The following AXDND1 variants were observed in gnomAD, a reference collection of about 807,000 sequenced individuals.
AXDND1 encodes axonemal dynein light chain domain containing 1.
AXDND1 carries 110 observed loss-of-function variants against 137.5 expected under a neutral mutation model. The observed-to-expected ratio is 0.80, with a 90% confidence interval of 0.69 to 0.94. AXDND1 has a LOEUF of 0.94. Among genes scored for constraint, AXDND1 ranks in the 40% least tolerant of loss-of-function variants. AXDND1 has a pLI of 0.00. For missense variants in AXDND1, 1,191 were observed against 1,169.8 expected (o/e 1.02, Z -0.26); for synonymous variants, 414 against 399.7 (o/e 1.04, Z -0.43).
At chr1:179,415,649 C>G (rs909883245) in intron 12 of AXDND1, among the ~76,000 whole-genome samples, 1 of 152,056 alleles carries the variant, frequency 6.6e-6, no homozygotes, top group Non-Finnish European at 1.5e-5. Flanking sequence ...CTTCTCATTA[C>G]CTCCAACCCA....
chr1:179,469,956 CTCTCTTACATTAAGG>C (rs1663716038), intron 17 of AXDND1, among the ~76,000 whole-genome samples: 1 of 152,044 alleles, frequency 6.6e-6, no homozygotes, highest in South Asian at 2.1e-4. Context: ...GTAGCATTTG[CTCTCTTACATTAAGG>C]TCTCTGATCC....
chr1:179,552,488 C>T (rs1004868937), intron 25 of AXDND1: 14 of 809,126 alleles, frequency 1.7e-5, no homozygotes, highest in African/African-American at 3.4e-5. Flanking sequence ...TGTAAGGGCC[C>T]AAGACAGCTT....
chr1:179,377,479 T>A (rs1203287777), intron 4 of AXDND1, among the ~76,000 whole-genome samples: 1 of 152,184 alleles, frequency 6.6e-6, no homozygotes, highest in African/African-American at 2.4e-5. Flanking sequence ...TTTTCTGTCC[T>A]GGAAGTCTTA....
At chr1:179,413,272 G>A (rs922117552) in intron 12 of AXDND1, among the ~76,000 whole-genome samples, 1 of 151,830 alleles carries the variant, frequency 6.6e-6, no homozygotes, top group African/African-American at 2.4e-5. Context: ...AGATTCAGGG[G>A]TACGTGTGCA....
intron 17 of AXDND1, among the ~76,000 whole-genome samples, chr1:179,476,579 G>A (rs948227624): frequency 2.0e-5 from 3 of 151,800 alleles, no homozygotes; most frequent in Non-Finnish European, 4.4e-5. Flanking sequence ...ATCTGGGGCA[G>A]TCTTTATTCC....
rs56878927 is a variant in AXDND1 at position 179,539,645 on chromosome 1, G to A, written c.3031+4683G>A. Among the ~76,000 whole-genome samples, 856 of 152,160 alleles carry A rather than the reference G, an allele frequency of 5.6e-3. 8 individuals are homozygous for A. Among genetic ancestry groups the A allele is most frequent in the African/African-American group, 0.02 (823 of 41,532 alleles). Reference sequence around the variant, plus strand: ...ATATTTTTTCCTTCATTTCAATCTTGGTGAATCTGAAAATATGTGTCTTGG... The same window carrying A: ...ATATTTTTTCCTTCATTTCAATCTTAGTGAATCTGAAAATATGTGTCTTGG... On this transcript the variant is annotated intron_variant, in intron 25 of 25. Transcript: ENST00000367618.
chr1:179,523,803 A>G (rs1047974102), intron 21 of AXDND1, among the ~76,000 whole-genome samples: 2 of 151,908 alleles, frequency 1.3e-5, no homozygotes, highest in African/African-American at 4.8e-5. Context: ...ATTTTGGTGC[A>G]CCCATTACCC....
Position 179,397,600 on chromosome 1 carries a change from C to A in AXDND1, c.1109+2398C>A, listed in dbSNP as rs533961507. Among the ~76,000 whole-genome samples the A allele has an allele frequency of 7.2e-5, 11 of 152,284 alleles. 1 individual carries two copies. The South Asian group carries it at 2.3e-3, about 32-fold the overall frequency. ...ATGTTTTCCAAGTTGCTTACACTCA[C>A]CCTATCTCTTTCAGGGACATCAATG... On this transcript the variant is annotated intron_variant, in intron 11 of 25. Coordinates refer to ENST00000367618, the MANE Select transcript of AXDND1 (RefSeq NM_144696.6).
Position 179,534,888 on chromosome 1 carries a change from T to C in AXDND1, c.2957T>C (p.Val986Ala), listed in dbSNP as rs773764516. ...EEKENQDERE[V>A]KEEEEQQEEE... is the part of the protein sequence containing the mutation. ...AAAGAAAATCAAGATGAAAGAGAAG[T>C]AAAAGAAGAAGAAGAACAACAAGAA... The change falls in exon 25 of 26, where the codon GTA becomes GCA. Residue 986 changes from valine to alanine, a missense_variant. By Grantham distance (64) the Val-to-Ala change is moderately conservative. Transcript: ENST00000367618. The C allele has an allele frequency of 1.3e-6, 2 of 1,593,132 alleles. No homozygotes were observed. The highest frequency in any genetic ancestry group is 1.7e-6 in the Non-Finnish European group (2 of 1,169,918).
At chr1:179,399,073 CT>C (rs1651532918) in intron 11 of AXDND1, among the ~76,000 whole-genome samples, 1 of 152,112 alleles carries the variant, frequency 6.6e-6, no homozygotes, top group South Asian at 2.1e-4. Flanking sequence ...TGCTATGGGT[CT>C]TGTTTCTGTG....
intron 25 of AXDND1, chr1:179,552,492 A>G (rs995383295): frequency 1.2e-6 from 1 of 826,304 alleles, no homozygotes; most frequent in Non-Finnish European, 2.0e-6. Flanking sequence ...AGGGCCCAAG[A>G]CAGCTTCTGC....
chr1:179,402,082 G>GA (rs1209867577), intron 11 of AXDND1, among the ~76,000 whole-genome samples: 31 of 149,196 alleles, frequency 2.1e-4, no homozygotes, highest in Admixed American at 2.0e-3. Context: ...TGAGGCAGGA[G>GA]AATTGCTTGA....
intron 12 of AXDND1, among the ~76,000 whole-genome samples, chr1:179,423,774 T>C (rs1426415945): frequency 6.6e-6 from 1 of 152,244 alleles, no homozygotes; most frequent in African/African-American, 2.4e-5. Flanking sequence ...GTTATTTGCA[T>C]TTACATATTT....
At chr1:179,378,166 G>T (rs1324964083) in intron 4 of AXDND1, among the ~76,000 whole-genome samples, 1 of 152,000 alleles carries the variant, frequency 6.6e-6, no homozygotes, top group Non-Finnish European at 1.5e-5. Context: ...GTGAGACTCT[G>T]TGTCAAAATA....
intron 12 of AXDND1, among the ~76,000 whole-genome samples, chr1:179,425,732 G>A (rs1367891775): frequency 6.6e-6 from 1 of 152,030 alleles, no homozygotes; most frequent in Non-Finnish European, 1.5e-5. Context: ...TGAGGCTGCA[G>A]TGAGCTGAGA....
intron 18 of AXDND1, among the ~76,000 whole-genome samples, chr1:179,485,843 C>T (rs774410930): frequency 9.2e-5 from 14 of 151,972 alleles, no homozygotes; most frequent in East Asian, 1.9e-4. Context: ...AACCACCAGG[C>T]GCGGTGGCTT....
chr1:179,521,942 T>C (rs1422195157), intron 21 of AXDND1, among the ~76,000 whole-genome samples: 1 of 152,104 alleles, frequency 6.6e-6, no homozygotes, highest in Non-Finnish European at 1.5e-5. Context: ...AAGGTCGTCT[T>C]TTTGTCTTTG....
intron 20 of AXDND1, among the ~76,000 whole-genome samples, chr1:179,495,972 C>T (rs376028559): frequency 7.0e-6 from 1 of 143,272 alleles, no homozygotes; most frequent in African/African-American, 2.6e-5. Context: ...TTGAGATGCT[C>T]GTGAGTTGTC....
At chr1:179,534,681 A>G (rs769964294) in intron 24 of AXDND1, 49 bp from the exon 25 acceptor site, 10 of 1,525,286 alleles carry the variant, frequency 6.6e-6, no homozygotes, top group Non-Finnish European at 8.7e-6. Context: ...GAAATCAAAA[A>G]TACTTTTTCA....
Sources: gnomAD v4.1 joint callset for allele counts (sites outside exome capture counted in the v4.1 genomes callset) on GRCh38, gnomAD v4.1.1 for gene constraint, MANE v1.5 for transcripts, NCBI Gene and HGNC (gene_info 2026-07-23, HGNC 2026-07-21) for gene names.